The following C1orf21 variants were observed in gnomAD, a reference collection of about 807,000 sequenced individuals.
C1orf21 encodes uncharacterized protein C1orf21.
A neutral mutation model predicts 18.7 loss-of-function variants in C1orf21; 3 were observed. That is an observed-to-expected ratio of 0.16 (90% CI 0.07 to 0.42). The LOEUF (loss-of-function observed/expected upper bound fraction) is 0.42. Among genes scored for constraint, C1orf21 ranks in the 10% least tolerant of loss-of-function variants. The pLI is 0.99. For missense variants in C1orf21, 104 were observed against 143.6 expected, an observed-to-expected ratio of 0.72 and a Z score of 1.41; for synonymous variants, 41 against 46.4, an observed-to-expected ratio of 0.88 and a Z score of 0.47.
intron 3 of C1orf21, among the ~76,000 whole-genome samples, chr1:184,582,958 C>G (rs1659296795): frequency 6.6e-6 from 1 of 152,162 alleles, no homozygotes; most frequent in South Asian, 2.1e-4. Context: ...CCTGTCTCAG[C>G]CTCCCGAGTA....
intron 3 of C1orf21, among the ~76,000 whole-genome samples, chr1:184,572,612 A>G (rs964750133): frequency 6.6e-6 from 1 of 152,190 alleles, no homozygotes; most frequent in Non-Finnish European, 1.5e-5. Context: ...AAAAGTTTCT[A>G]CTGCATTATG....
Position 184,620,061 on chromosome 1 carries a change from T to G in C1orf21, c.*505T>G, listed in dbSNP as rs1316717231. 1 of 153,022 alleles carries G rather than the reference T, an allele frequency of 6.5e-6. No homozygotes were observed. The highest frequency in any genetic ancestry group is 2.4e-5 in the African/African-American group (1 of 41,430). The allele number at this position is 153,022 out of a possible 1,614,324, so 9.5% of individuals were successfully genotyped here. On this transcript the variant is annotated 3_prime_UTR_variant, in exon 6 of 6. Transcript: ENST00000235307. ...CACTGGCAGTGTTGAGCTTTGGAGA[T>G]GGGATGGTTGCTATGCCAAGCCTTG...
At chr1:184,446,585 T>G (rs907738000) in intron 1 of C1orf21, among the ~76,000 whole-genome samples, 2 of 152,056 alleles carry the variant, frequency 1.3e-5, no homozygotes, top group African/African-American at 4.8e-5. Flanking sequence ...AAACAGAACT[T>G]TACAGGACAA....
At chr1:184,424,277 A>G (rs1656595479) in intron 1 of C1orf21, among the ~76,000 whole-genome samples, 1 of 152,152 alleles carries the variant, frequency 6.6e-6, no homozygotes, top group Non-Finnish European at 1.5e-5. Context: ...GGACTTTTGG[A>G]GCTGAGTGAG....
Position 184,419,154 on chromosome 1 carries a change from C to T in C1orf21, c.-125+31786C>T, listed in dbSNP as rs572146491. Among the ~76,000 whole-genome samples the T allele has an allele frequency of 1.2e-4, 19 of 152,238 alleles. No homozygotes were observed. The South Asian group carries it at 3.3e-3, about 27-fold the overall frequency. On this transcript the variant is annotated intron_variant, in intron 1 of 5. Coordinates refer to ENST00000235307, the MANE Select transcript of C1orf21 (RefSeq NM_030806.4). The stretch of plus-strand genomic sequence containing the variant: ...ACAGAAAGCCCAGCACAGGCAGTCA[C>T]GGTGGTGTGATCTTGGCTTACTTAT...
At chr1:184,397,943 G>C (rs935349704) in intron 1 of C1orf21, among the ~76,000 whole-genome samples, 1 of 152,196 alleles carries the variant, frequency 6.6e-6, no homozygotes, top group Non-Finnish European at 1.5e-5. Context: ...TGGAGGCTGA[G>C]AAGCAGTGTC....
At chr1:184,596,073 T>C (rs1285164085) in intron 4 of C1orf21, among the ~76,000 whole-genome samples, 1 of 152,212 alleles carries the variant, frequency 6.6e-6, no homozygotes, top group Non-Finnish European at 1.5e-5. Context: ...CTGTGATAAG[T>C]GCATTCTTGA....
chr1:184,578,363 C>T (rs574577712), intron 3 of C1orf21, among the ~76,000 whole-genome samples: 2 of 152,270 alleles, frequency 1.3e-5, no homozygotes, highest in South Asian at 4.1e-4. Flanking sequence ...AAATGTGATT[C>T]CCATTCACAT....
intron 3 of C1orf21, among the ~76,000 whole-genome samples, chr1:184,584,133 C>CTTTTTTTTTTT (rs386368968): frequency 8.8e-6 from 1 of 113,276 alleles, no homozygotes; most frequent in Admixed American, 9.9e-5. Flanking sequence ...TGTTCTTCTT[C>CTTTTTTTTTTT]TTTTTTTTTT....
At chr1:184,586,216 T>G (rs192621350) in intron 3 of C1orf21, among the ~76,000 whole-genome samples, 1 of 152,324 alleles carries the variant, frequency 6.6e-6, no homozygotes, top group East Asian at 1.9e-4. Context: ...ATGTTAAACT[T>G]TTTTTCATAT....
rs1230596038 is a variant in C1orf21, at chr1:184,623,615, G to A, written c.*4059G>A. 2 of 152,612 alleles carry A rather than the reference G, an allele frequency of 1.3e-5. No homozygotes were observed. The highest frequency in any genetic ancestry group is 3.9e-4 in the East Asian group (2 of 5,180). 9.5% of individuals were successfully genotyped at this position (152,612 alleles called of 1,614,324 possible). Reference sequence around the variant, plus strand: ...GTCATGGGTGGATGCCTGGACTCCAGTGTGCCTGTGAGGGGCTGGGTTAGG... The same window carrying A: ...GTCATGGGTGGATGCCTGGACTCCAATGTGCCTGTGAGGGGCTGGGTTAGG... On this transcript the variant is annotated 3_prime_UTR_variant, in exon 6 of 6. Transcript: ENST00000235307.
rs189235179 is a variant in C1orf21, at chr1:184,571,870, C to T, written c.190-18869C>T. Reference sequence around the variant, plus strand: ...TGCAGAGTTTCTATCCCCTCTTGACCAGTAACTCTATGGCCTTGTTTCCTT... The same window carrying T: ...TGCAGAGTTTCTATCCCCTCTTGACTAGTAACTCTATGGCCTTGTTTCCTT... On this transcript the variant is annotated intron_variant, in intron 3 of 5. Coordinates refer to ENST00000235307, the MANE Select transcript of C1orf21 (RefSeq NM_030806.4). Among the ~76,000 whole-genome samples, 29 of 151,876 alleles carry T rather than the reference C, an allele frequency of 1.9e-4. No individual in the cohort carries two copies. The East Asian group carries it at 5.4e-3, about 29-fold the overall frequency.
intron 3 of C1orf21, among the ~76,000 whole-genome samples, chr1:184,585,926 C>T (rs1457851917): frequency 1.3e-5 from 2 of 152,166 alleles, no homozygotes; most frequent in Non-Finnish European, 2.9e-5. Flanking sequence ...CTGCAATGCA[C>T]ATGTGCCTGT....
chr1:184,530,823 G>A (rs781415209), intron 3 of C1orf21, among the ~76,000 whole-genome samples: 3 of 151,684 alleles, frequency 2.0e-5, no homozygotes, highest in Admixed American at 6.6e-5. Flanking sequence ...CCTACTGAAC[G>A]TCAGTATCCT....
chr1:184,533,767 C>T (rs2101974166), intron 3 of C1orf21, among the ~76,000 whole-genome samples: 1 of 152,334 alleles, frequency 6.6e-6, no homozygotes, highest in East Asian at 1.9e-4. Context: ...TGAATGGATG[C>T]CAGCCAGTTC....
At chr1:184,498,201 G>A (rs976253721) in intron 2 of C1orf21, among the ~76,000 whole-genome samples, 1 of 152,182 alleles carries the variant, frequency 6.6e-6, no homozygotes, top group Non-Finnish European at 1.5e-5. Context: ...AGGTGGCTTG[G>A]GGGTGGGGGC....
At chr1:184,436,936 G>A (rs1547608) in intron 1 of C1orf21, among the ~76,000 whole-genome samples, 11,502 of 152,132 alleles carry the variant, frequency 0.076, 540 homozygotes, top group African/African-American at 0.11. Flanking sequence ...GAGATTGAGC[G>A]GCGGGTTGGG....
At chr1:184,597,227 G>C (rs1659529160) in intron 4 of C1orf21, among the ~76,000 whole-genome samples, 1 of 152,206 alleles carries the variant, frequency 6.6e-6, no homozygotes, top group Non-Finnish European at 1.5e-5. Context: ...ATATGTGAAA[G>C]TGCTTTGTAA....
At position 184,529,140 on chromosome 1, in the gene C1orf21, A is replaced by AT. The variant is rs1205690026; in HGVS notation, c.189+21464dup. Among the ~76,000 whole-genome samples the AT allele has an allele frequency of 3.2e-4, 48 of 152,038 alleles. 1 individual carries two copies. Among genetic ancestry groups the AT allele is most frequent in the Admixed American group, 2.1e-3 (32 of 15,256 alleles). On this transcript the variant is annotated intron_variant, in intron 3 of 5. Coordinates refer to ENST00000235307, the MANE Select transcript of C1orf21 (RefSeq NM_030806.4). ...AAAAATGATACCTCAAGGCCATTTTATTTTTTGCATATTTTGATTATTCTT... is the reference window on the plus strand; with the variant it reads ...AAAAATGATACCTCAAGGCCATTTTATTTTTTTGCATATTTTGATTATTCTT...
Sources: allele counts gnomAD v4.1 joint callset (sites outside exome capture counted in the v4.1 genomes callset), GRCh38; gene constraint gnomAD v4.1.1; transcripts MANE v1.5; gene names NCBI Gene and HGNC (gene_info 2026-07-23, HGNC 2026-07-21).